The following ATP2C1 variants were observed in gnomAD, a reference collection of about 807,000 sequenced individuals.
ATP2C1 encodes the protein ATPase secretory pathway Ca2+ transporting 1, also known as calcium-transporting ATPase type 2C member 1.
ATP2C1 carries 31 observed loss-of-function variants against 120.5 expected under a neutral mutation model. The ratio of observed to expected loss-of-function variants is 0.26; its 90% CI spans 0.19 to 0.35. The LOEUF (loss-of-function observed/expected upper bound fraction) is 0.35, where lower values mean the gene tolerates loss of function less well. ATP2C1 is among the 10% of genes least tolerant of loss of function. The pLI, the probability that ATP2C1 is intolerant of heterozygous loss-of-function variation, is 1.00. For synonymous variants in ATP2C1, 351 were observed against 358.7 expected (o/e 0.98, Z 0.24); for missense variants, 731 against 1,107.5 (o/e 0.66, Z 4.83).
At chr3:130,948,133 T>TA (rs1191420875) in intron 8 of ATP2C1, among the ~76,000 whole-genome samples, 1 of 152,152 alleles carries the variant, frequency 6.6e-6, no homozygotes, top group Admixed American at 6.6e-5. Context: ...TTTACCTACA[T>TA]AGTTAGCTTC....
intron 2 of ATP2C1, among the ~76,000 whole-genome samples, chr3:130,897,267 A>G (rs151008015): frequency 6.6e-6 from 1 of 152,332 alleles, no homozygotes; most frequent in South Asian, 2.1e-4. Context: ...GGGCTCTACC[A>G]AGAAGCCAGG....
At chr3:130,864,283 GA>G (rs2068101176) in intron 1 of ATP2C1, among the ~76,000 whole-genome samples, 3 of 152,174 alleles carry the variant, frequency 2.0e-5, no homozygotes, top group Non-Finnish European at 2.9e-5. Flanking sequence ...TTGAACTTAA[GA>G]AAGATGATTT....
intron 8 of ATP2C1, among the ~76,000 whole-genome samples, chr3:130,945,325 C>T (rs1368722962): frequency 6.6e-6 from 1 of 151,866 alleles, no homozygotes; most frequent in African/African-American, 2.4e-5. Flanking sequence ...ACTATGTATG[C>T]CTGGATAACA....
chr3:130,855,059 G>A (rs146303993), intron 1 of ATP2C1, among the ~76,000 whole-genome samples: 30 of 151,858 alleles, frequency 2.0e-4, no homozygotes, highest in Admixed American at 1.2e-3. Flanking sequence ...TCCCCCTTAC[G>A]TCCCCTTCCT....
At chr3:130,861,900 C>T (rs548683556) in intron 1 of ATP2C1, among the ~76,000 whole-genome samples, 7 of 152,226 alleles carry the variant, frequency 4.6e-5, no homozygotes, top group African/African-American at 1.7e-4. Context: ...TGTTTTGTTC[C>T]TACAATGTGG....
At chr3:130,904,476 A>T (rs1179609384) in intron 2 of ATP2C1, among the ~76,000 whole-genome samples, 1 of 152,020 alleles carries the variant, frequency 6.6e-6, no homozygotes, top group Non-Finnish European at 1.5e-5. Context: ...ATGATGGGTG[A>T]AGTTAATGTG....
intron 2 of ATP2C1, among the ~76,000 whole-genome samples, chr3:130,921,450 T>G (rs1297516946): frequency 1.3e-5 from 2 of 152,194 alleles, no homozygotes; most frequent in Non-Finnish European, 2.9e-5. Context: ...AAGCATTTAA[T>G]TTATTGCTTA....
intron 11 of ATP2C1, among the ~76,000 whole-genome samples, chr3:130,958,635 C>T (rs1034484113): frequency 7.2e-5 from 11 of 152,092 alleles, no homozygotes; most frequent in African/African-American, 2.2e-4. Flanking sequence ...CCTGCTTGTG[C>T]GCCCCTTTCC....
At chr3:130,935,236 A>G (rs2059615105) in intron 5 of ATP2C1, among the ~76,000 whole-genome samples, 1 of 152,220 alleles carries the variant, frequency 6.6e-6, no homozygotes, top group Admixed American at 6.5e-5. Context: ...CACAAATATG[A>G]AATTTTATAA....
chr3:130,998,324 A>C lies in ATP2C1; in HGVS notation c.2422A>C (p.Thr808Pro). ...AGACAATGTGATTACACCTCGAGAC[A>C]CAACAATGACCTTCACATGCTTTGT... is the stretch of plus-strand genomic sequence containing the variant. ...LRDNVITPRD[T>P]TMTFTCFVFF... Residue 808 changes from threonine (T) to proline (P), a missense_variant, in exon 26 of 28, where the codon ACA becomes CCA. Around this residue, in one of 3 missense-constraint regions of ATP2C1, gnomAD observed 141 missense variants for 201.6 expected, o/e 0.70. Transcript: ENST00000510168. The C allele has an allele frequency of 6.2e-7, 1 of 1,612,948 alleles. No individual in the cohort carries two copies. The highest frequency in any genetic ancestry group is 8.5e-7 in the Non-Finnish European group (1 of 1,178,902).
In ATP2C1 at chr3:130,937,416, T is replaced by C. The variant is rs973921501; in HGVS notation, c.325-12T>C. 3.1e-6 allele frequency: 5 copies of C among 1,612,170 alleles called. No individual in the cohort carries two copies. Among genetic ancestry groups the C allele is most frequent in the Non-Finnish European group, 4.2e-6 (5 of 1,178,342 alleles). On this transcript the variant is annotated splice_polypyrimidine_tract_variant and intron_variant, in intron 5 of 27. Transcript: ENST00000510168. ...TTAATGTCTGATTTAAAAGCCTGTT[T>C]CTTTTGTTTAGGCAATACTTATCGT...
At chr3:130,962,065 A>G (rs1253003509) in intron 12 of ATP2C1, among the ~76,000 whole-genome samples, 2 of 152,062 alleles carry the variant, frequency 1.3e-5, no homozygotes, top group Non-Finnish European at 2.9e-5. Flanking sequence ...AATCTGGACC[A>G]TCTCTTTTAG....
Position 130,998,616 on chromosome 3 carries a change from A to T in ATP2C1, c.2487+227A>T, listed in dbSNP as rs540064957. On this transcript the variant is annotated intron_variant, in intron 26 of 27. Transcript: ENST00000510168. ...TGACTAGAACATAAAAGTATTAATAATTCACAGGTGTTGTCATCTGCGTTT... is the reference window on the plus strand; with the variant it reads ...TGACTAGAACATAAAAGTATTAATATTTCACAGGTGTTGTCATCTGCGTTT... Among the ~76,000 whole-genome samples the T allele has an allele frequency of 5.3e-5, 8 of 152,328 alleles. No homozygotes were observed. The South Asian group carries it at 1.7e-3, about 32-fold the overall frequency.
chr3:130,867,623 G>A (rs1286208382), intron 1 of ATP2C1, among the ~76,000 whole-genome samples: 2 of 151,622 alleles, frequency 1.3e-5, no homozygotes, highest in Admixed American at 6.6e-5. Flanking sequence ...GTGCAGTGGC[G>A]TGATCTTGGC....
chr3:130,989,575 A>AC (rs950820264), intron 20 of ATP2C1, among the ~76,000 whole-genome samples: 49 of 152,062 alleles, frequency 3.2e-4, no homozygotes, highest in Non-Finnish European at 6.5e-4. Context: ...CAAAAAAAAA[A>AC]AAAAAAAACA....
intron 1 of ATP2C1, among the ~76,000 whole-genome samples, chr3:130,885,561 A>C (rs2068946342): frequency 6.6e-6 from 1 of 151,902 alleles, no homozygotes. Flanking sequence ...CATTATTTTA[A>C]ACTTAAGACA....
chr3:130,963,849 A>T lies in ATP2C1; in HGVS notation c.900-122A>T. The T allele has an allele frequency of 2.5e-6, 3 of 1,216,434 alleles. No homozygotes were observed. In the South Asian group the frequency reaches 3.8e-5, roughly 16 times the overall value. The allele number at this position is 1,216,434 out of a possible 1,614,324, so 75.4% of individuals were successfully genotyped here. A position where few individuals can be genotyped will look rare whatever the true frequency, so the allele number is the denominator to read the frequency against. ...ACTTTCTCTTCCTTTTGAGAAGTTT[A>T]TTTTTTAGGTATTGACTATATTAAT... On this transcript the variant is annotated intron_variant, in intron 12 of 27. Transcript: ENST00000510168.
intron 1 of ATP2C1, among the ~76,000 whole-genome samples, chr3:130,877,994 TG>T (rs1446911006): frequency 6.6e-6 from 1 of 151,982 alleles, no homozygotes; most frequent in East Asian, 1.9e-4. Flanking sequence ...TGTAGGGACA[TG>T]GATGAAGCTG....
At chr3:130,871,191 T>C (rs1308741115) in intron 1 of ATP2C1, among the ~76,000 whole-genome samples, 1 of 152,240 alleles carries the variant, frequency 6.6e-6, no homozygotes, top group Non-Finnish European at 1.5e-5. Context: ...ACCAAAAAAT[T>C]TGTGTGACTT....
Sources: gnomAD v4.1 joint callset for allele counts (sites outside exome capture counted in the v4.1 genomes callset) on GRCh38, gnomAD v4.1.1 for gene constraint, gnomAD v4.1.1 regional missense constraint, MANE v1.5 for transcripts, NCBI Gene and HGNC (gene_info 2026-07-23, HGNC 2026-07-21) for gene names.